MIB1: variants seen among roughly 807,000 people sequenced by gnomAD.
The protein encoded by MIB1 is MIB E3 ubiquitin protein ligase 1, also known as E3 ubiquitin-protein ligase MIB1.
In MIB1, 278 loss-of-function variants were observed where a neutral mutation model predicts 124.5. The ratio of observed to expected loss-of-function variants is 2.23; its 90% CI spans 2.02 to 2.47. MIB1 has a LOEUF of 2.47. MIB1 is among the 30% of genes most tolerant of loss of function. The pLI is 0.00. For synonymous variants in MIB1, 446 were observed against 429.4 expected (o/e 1.04, Z -0.48); for missense variants, 957 against 1,254.4 (o/e 0.76, Z 3.58).
intron 10 of MIB1, among the ~76,000 whole-genome samples, chr18:21,805,519 A>T (rs948078877): frequency 6.6e-6 from 1 of 152,130 alleles, no homozygotes; most frequent in Non-Finnish European, 1.5e-5. Flanking sequence ...AGTGTTTTGT[A>T]TATAGAATAT....
In MIB1 at chr18:21,803,981, A is replaced by C. The variant is rs1309160529; in HGVS notation, c.1446A>C (p.Leu482Phe). 6.2e-7 allele frequency: 1 copy of C among 1,613,612 alleles called. No homozygotes were observed. Among genetic ancestry groups the C allele is most frequent in the African/African-American group, 1.3e-5 (1 of 74,902 alleles). Reference protein sequence around the residue: ...SQNGHVDILKLLLKQNVDVEA... With the variant: ...SQNGHVDILKFLLKQNVDVEA... ...ATGGACATGTTGACATTTTGAAGTT[A>C]CTTTTGAAGCAAAACGTGGATGTCG... The change falls in exon 10 of 21, where the codon TTA becomes TTC. Residue 482 changes from leucine (L) to phenylalanine (F), a missense_variant. Coordinates refer to ENST00000261537, the MANE Select transcript of MIB1 (RefSeq NM_020774.4).
intron 13 of MIB1, among the ~76,000 whole-genome samples, chr18:21,840,083 A>G (rs1317168130): frequency 1.3e-5 from 2 of 152,116 alleles, no homozygotes; most frequent in Non-Finnish European, 2.9e-5. Flanking sequence ...AATTGTTTTT[A>G]CATTTCAATT....
intron 7 of MIB1, among the ~76,000 whole-genome samples, chr18:21,792,156 C>T (rs548955099): frequency 3.2e-4 from 48 of 152,166 alleles, no homozygotes; most frequent in African/African-American, 1.2e-3. Context: ...CCTTGCCATC[C>T]CTTATGCTTC....
intron 13 of MIB1, among the ~76,000 whole-genome samples, chr18:21,840,663 ATATTTTTT>A (rs1267001098): frequency 6.5e-3 from 14 of 2,138 alleles, no homozygotes; most frequent in African/African-American, 9.4e-3. Context: ...ATATATATAT[ATATTTTTT>A]TTTTTTTTTA....
rs767406355 is a variant in MIB1 at position 21,803,850 on chromosome 18, T to G, written c.1372-57T>G. On this transcript the variant is annotated intron_variant, in intron 9 of 20. Transcript: ENST00000261537. ...GACTTAAACCTACACCGTATGTATA[T>G]ATTGCCTGTTTCTGATTATTCATTC... 3.8e-4 allele frequency: 490 copies of G among 1,275,710 alleles called. 5 individuals carry two copies. The highest frequency in any genetic ancestry group is 2.1e-3 in the Middle Eastern group (9 of 4,250). The allele number at this position is 1,275,710 out of a possible 1,614,324, so 79.0% of individuals were successfully genotyped here.
intron 10 of MIB1, among the ~76,000 whole-genome samples, chr18:21,808,673 A>G (rs1381125984): frequency 6.6e-6 from 1 of 152,162 alleles, no homozygotes. Flanking sequence ...TACTGAATTC[A>G]GTAGGATTAC....
intron 16 of MIB1, among the ~76,000 whole-genome samples, chr18:21,848,001 C>T (rs766678430): frequency 1.3e-5 from 2 of 152,130 alleles, no homozygotes; most frequent in African/African-American, 2.4e-5. Flanking sequence ...AGTAGCTGTT[C>T]CTTAACCTTA....
At chr18:21,709,066 C>CA (rs2040653587) in intron 1 of MIB1, among the ~76,000 whole-genome samples, 1 of 152,156 alleles carries the variant, frequency 6.6e-6, no homozygotes, top group African/African-American at 2.4e-5. Flanking sequence ...CCTGTAATCC[C>CA]AGCACTTTGG....
At chr18:21,749,963 C>A (rs954380738) in intron 1 of MIB1, among the ~76,000 whole-genome samples, 81 of 151,890 alleles carry the variant, frequency 5.3e-4, no homozygotes, top group African/African-American at 1.8e-3. Context: ...TTTTAACTTT[C>A]CAGTTTTCTT....
chr18:21,773,618 T>C lies in MIB1; in HGVS notation c.532-6T>C. The C allele has an allele frequency of 1.3e-6, 2 of 1,598,780 alleles. No individual in the cohort carries two copies. The highest frequency in any genetic ancestry group is 2.7e-5 in the African/African-American group (2 of 74,334). On this transcript the variant is annotated splice_polypyrimidine_tract_variant and splice_region_variant and intron_variant, in intron 3 of 20. Coordinates refer to ENST00000261537, the MANE Select transcript of MIB1 (RefSeq NM_020774.4). ...AAACTTCTTTTCTCAAAAACTATTC[T>C]GTTAGGTAACAGAAATCCAGGACTG...
At chr18:21,747,199 T>G (rs1457121444) in intron 1 of MIB1, among the ~76,000 whole-genome samples, 1 of 152,200 alleles carries the variant, frequency 6.6e-6, no homozygotes, top group African/African-American at 2.4e-5. Flanking sequence ...TAAAATGTCT[T>G]TCTTATTTTA....
At chr18:21,858,369 T>C (rs2042245929) in intron 19 of MIB1, among the ~76,000 whole-genome samples, 177 bp from the exon 20 acceptor site, 2 of 152,318 alleles carry the variant, frequency 1.3e-5, no homozygotes, top group East Asian at 3.9e-4. Context: ...AGTTCATAAA[T>C]GGAAAAGTGT....
intron 6 of MIB1, among the ~76,000 whole-genome samples, chr18:21,784,169 C>T (rs1443151381): frequency 2.6e-5 from 4 of 151,896 alleles, no homozygotes; most frequent in Admixed American, 2.0e-4. Flanking sequence ...CTGCCTCAGC[C>T]TCCCGCGTAG....
chr18:21,788,457 A>C (rs1413595612), intron 6 of MIB1, among the ~76,000 whole-genome samples: 1 of 152,210 alleles, frequency 6.6e-6, no homozygotes, highest in Admixed American at 6.5e-5. Flanking sequence ...TGGGACCAGA[A>C]GGGAACTTCT....
intron 12 of MIB1, chr18:21,829,088 T>TG (rs776290135): frequency 8.8e-6 from 4 of 455,072 alleles, no homozygotes; most frequent in Non-Finnish European, 1.8e-5. Flanking sequence ...TCTGAGTAGG[T>TG]ATTACTAAGT....
chr18:21,782,612 G>A (rs2041383402), intron 6 of MIB1, among the ~76,000 whole-genome samples: 1 of 151,886 alleles, frequency 6.6e-6, no homozygotes, highest in Non-Finnish European at 1.5e-5. Context: ...TAGTGTTATT[G>A]CATTGTGGTC....
intron 2 of MIB1, among the ~76,000 whole-genome samples, chr18:21,768,212 CTGAAA>C (rs2041185808): frequency 1.3e-5 from 2 of 152,182 alleles, no homozygotes; most frequent in South Asian, 2.1e-4. Flanking sequence ...CCCAGATACC[CTGAAA>C]TGCTTAGACT....
At chr18:21,790,275 CAT>C (rs1207406564) in intron 6 of MIB1, among the ~76,000 whole-genome samples, 1 of 152,186 alleles carries the variant, frequency 6.6e-6, no homozygotes, top group Non-Finnish European at 1.5e-5. Context: ...ATACCGACCT[CAT>C]GTGCACAAAG....
chr18:21,769,634 C>A (rs2041203250), intron 3 of MIB1, among the ~76,000 whole-genome samples: 1 of 152,210 alleles, frequency 6.6e-6, no homozygotes, highest in Non-Finnish European at 1.5e-5. Flanking sequence ...TGGTAGGACA[C>A]ACATTCTAGT....
Sources: gnomAD v4.1 joint callset for allele counts (sites outside exome capture counted in the v4.1 genomes callset) on GRCh38, gnomAD v4.1.1 for gene constraint, MANE v1.5 for transcripts, NCBI Gene and HGNC (gene_info 2026-07-23, HGNC 2026-07-21) for gene names.